LIX1L: variants seen among roughly 807,000 people sequenced by gnomAD.
LIX1L encodes LIX1-like protein.
In LIX1L, 20 loss-of-function variants were observed where a neutral mutation model predicts 34.0. The observed-to-expected ratio is 0.59, with a 90% CI of 0.41 to 0.85. LIX1L has a LOEUF of 0.85. Among genes scored for constraint, LIX1L ranks in the 40% least tolerant of loss-of-function variants. LIX1L has a pLI of 0.00. For missense variants in LIX1L, 397 were observed against 447.0 expected, an observed-to-expected ratio of 0.89 and a Z score of 1.01; for synonymous variants, 170 against 187.4, an observed-to-expected ratio of 0.91 and a Z score of 0.76.
At chr1:145,946,200 CT>C (rs5777570) in intron 2 of LIX1L, among the ~76,000 whole-genome samples, 256 of 137,966 alleles carry the variant, frequency 1.9e-3, no homozygotes, top group Middle Eastern at 7.6e-3. Context: ...GACTGAAGTT[CT>C]TTTTTTTTTT....
At position 145,936,394 on chromosome 1, in the gene LIX1L, C is replaced by T; in HGVS notation, c.930G>A (p.Lys310=). 1.9e-6 allele frequency: 3 copies of T among 1,614,168 alleles called. No homozygotes were observed. Among genetic ancestry groups the T allele is most frequent in the Non-Finnish European group, 2.5e-6 (3 of 1,180,040 alleles). Residue 310 remains lysine, a synonymous_variant, in exon 6 of 6, where the codon AAG becomes AAA. Transcript: ENST00000604000. ...RELDEARLAG[K]ELRFHKEKKD... ...TCTTCTCCTTGTGGAAGCGCAGCTC[C>T]TTGCCTGCCAGTCGGGCTTCATCCA...
At position 145,957,891 on chromosome 1, in the gene LIX1L, C is replaced by T; in HGVS notation, c.37G>A (p.Val13Met). 1.3e-6 allele frequency: 2 copies of T among 1,487,678 alleles called. No individual in the cohort carries two copies. Among genetic ancestry groups the T allele is most frequent in the East Asian group, 2.9e-5 (1 of 34,638 alleles). 92.2% of individuals were successfully genotyped at this position (1,487,678 alleles called of 1,614,324 possible). A position where few individuals can be genotyped will look rare whatever the true frequency, so the allele number is the denominator to read the frequency against. The change falls in exon 1 of 6, where the codon GTG becomes ATG. Residue 13 changes from valine to methionine, a missense_variant. Transcript: ENST00000604000. Reference protein sequence around the residue: ...TMRAQRLQPGVGTSGRGTLRA... With the variant: ...TMRAQRLQPGMGTSGRGTLRA... ...AGAGTGCCCCTCCCGCTGGTGCCCA[C>T]ACCAGGCTGCAGCCGCTGCGCTCGC...
At position 145,936,090 on chromosome 1, in the gene LIX1L, G is replaced by A. The variant is rs1648628744; in HGVS notation, c.*220C>T. The A allele has an allele frequency of 1.9e-6, 1 of 540,308 alleles. No individual in the cohort carries two copies. Among genetic ancestry groups the A allele is most frequent in the Non-Finnish European group, 3.2e-6 (1 of 312,418 alleles). The allele number at this position is 540,308 out of a possible 1,614,324, so 33.5% of individuals were successfully genotyped here. On this transcript the variant is annotated 3_prime_UTR_variant, in exon 6 of 6. Transcript: ENST00000604000. Reference sequence around the variant, plus strand: ...CTGCAAAGACAAGCTGCTCTTTGTTGTAAAGTGGACTGAAGATGTTTCAAA... The same window carrying A: ...CTGCAAAGACAAGCTGCTCTTTGTTATAAAGTGGACTGAAGATGTTTCAAA...
At position 145,935,250 on chromosome 1, in the gene LIX1L, A is replaced by G. The variant is rs587624012; in HGVS notation, c.*1060T>C. On this transcript the variant is annotated 3_prime_UTR_variant, in exon 6 of 6. Coordinates refer to ENST00000604000, the MANE Select transcript of LIX1L (RefSeq NM_153713.3). Reference sequence around the variant, plus strand: ...CTTCCTGCAGTCTCCCAAGGTGTCAATTAGGAAGTGCCAAAATACTAAAGT... The same window carrying G: ...CTTCCTGCAGTCTCCCAAGGTGTCAGTTAGGAAGTGCCAAAATACTAAAGT... 6.6e-6 allele frequency: 1 copy of G among 152,262 alleles called. No individual in the cohort carries two copies. Among genetic ancestry groups the G allele is most frequent in the Admixed American group, 6.5e-5 (1 of 15,286 alleles). The allele number at this position is 152,262 out of a possible 1,614,324, so 9.4% of individuals were successfully genotyped here.
At position 145,957,971 on chromosome 1, in the gene LIX1L, C is replaced by G. The variant is rs1430598466; in HGVS notation, c.-44G>C. 22 of 1,355,944 alleles carry G rather than the reference C, an allele frequency of 1.6e-5. No individual in the cohort carries two copies. The highest frequency in any genetic ancestry group is 2.0e-5 in the Non-Finnish European group (21 of 1,036,900). 84.0% of individuals were successfully genotyped at this position (1,355,944 alleles called of 1,614,324 possible). A position where few individuals can be genotyped will look rare whatever the true frequency, so the allele number is the denominator to read the frequency against. On this transcript the variant is annotated 5_prime_UTR_variant, in exon 1 of 6. Transcript: ENST00000604000. Reference sequence around the variant, plus strand: ...AGCGCCCCGGAGCCTGCCAGCCTGCCGAGCTAACGGTCCCAACCACCCCAG... The same window carrying G: ...AGCGCCCCGGAGCCTGCCAGCCTGCGGAGCTAACGGTCCCAACCACCCCAG...
At chr1:145,943,093 C>G (rs1553758879) in intron 2 of LIX1L, among the ~76,000 whole-genome samples, 1 of 152,224 alleles carries the variant, frequency 6.6e-6, no homozygotes, top group East Asian at 1.9e-4. Context: ...TCATACCAAA[C>G]TGAATGCAGA....
intron 1 of LIX1L, among the ~76,000 whole-genome samples, chr1:145,954,890 C>T (rs1254658731): frequency 6.6e-6 from 1 of 152,148 alleles, no homozygotes; most frequent in African/African-American, 2.4e-5. Context: ...AAAAAGTAAG[C>T]AAGTTAAGGA....
At position 145,934,582 on chromosome 1, in the gene LIX1L, A is replaced by AAAAAAAAG. The variant is rs1553757445; in HGVS notation, c.*1727_*1728insCTTTTTTT. Reference sequence around the variant, plus strand: ...GAGCGAGACTCCGTCTCAAAAAAAAAAAAAACACACAAATAGTTTGGGAGG... The same window carrying AAAAAAAAG: ...GAGCGAGACTCCGTCTCAAAAAAAAAAAAAAAAGAAAAACACACAAATAGTTTGGGAGG... On this transcript the variant is annotated 3_prime_UTR_variant, in exon 6 of 6. Transcript: ENST00000604000. The AAAAAAAAG allele has an allele frequency of 5.6e-3, 777 of 139,818 alleles. 30 individuals are homozygous for AAAAAAAAG. The highest frequency in any genetic ancestry group is 0.018 in the African/African-American group (636 of 35,248). 8.7% of individuals were successfully genotyped at this position (139,818 alleles called of 1,614,324 possible). A position where few individuals can be genotyped will look rare whatever the true frequency, so the allele number is the denominator to read the frequency against.
In LIX1L at chr1:145,956,142, T is replaced by C. The variant is rs117662790; in HGVS notation, c.292+1494A>G. ...AAATCTTGGGATTACATTGGAAAAA[T>C]AGTATTTCCTCATGAGTTTCAGATT... On this transcript the variant is annotated intron_variant, in intron 1 of 5. Coordinates refer to ENST00000604000, the MANE Select transcript of LIX1L (RefSeq NM_153713.3). Among the ~76,000 whole-genome samples, 48 of 152,250 alleles carry C rather than the reference T, an allele frequency of 3.2e-4. 1 individual carries two copies. The East Asian group carries it at 5.0e-3, about 16-fold the overall frequency.
In LIX1L at chr1:145,948,138, C is replaced by A. The variant is rs1649175334; in HGVS notation, c.293-356G>T. Among the ~76,000 whole-genome samples the A allele has an allele frequency of 6.6e-6, 1 of 152,120 alleles. No individual in the cohort carries two copies. Among genetic ancestry groups the A allele is most frequent in the Non-Finnish European group, 1.5e-5 (1 of 68,024 alleles). On this transcript the variant is annotated intron_variant, in intron 1 of 5. Coordinates refer to ENST00000604000, the MANE Select transcript of LIX1L (RefSeq NM_153713.3). This position sits in a 1 kb window ranked among gnomAD's most constrained non-coding sequence, Gnocchi z 4.0. ...CAATGTCAGCAGACCATTATCACTG[C>A]CTGATGAAATACAAGCAGATTATTC...
Position 145,935,878 on chromosome 1 carries a change from C to CA in LIX1L, c.*431dup, listed in dbSNP as rs1648619461. 2 of 169,722 alleles carry CA rather than the reference C, an allele frequency of 1.2e-5. No individual in the cohort carries two copies. Among genetic ancestry groups the CA allele is most frequent in the African/African-American group, 2.4e-5 (1 of 42,242 alleles). The allele number at this position is 169,722 out of a possible 1,614,324, so 10.5% of individuals were successfully genotyped here. A position where few individuals can be genotyped will look rare whatever the true frequency, so the allele number is the denominator to read the frequency against. On this transcript the variant is annotated 3_prime_UTR_variant, in exon 6 of 6. Coordinates refer to ENST00000604000, the MANE Select transcript of LIX1L (RefSeq NM_153713.3). ...GCAGGTTCAGTTCAGGAACTAAAGG[C>CA]AAAATCTTCATACTCATACCCTGTT... is the stretch of plus-strand genomic sequence containing the variant.
Position 145,942,752 on chromosome 1 carries a change from G to T in LIX1L, c.558C>A (p.Phe186Leu). ...GGGCCTCAGAGACACTCTTCTCGAT[G>T]AACTCATCAGTGATTCTTCGGGAAG... The part of the protein sequence containing the change: ...EHPSRRITDE[F>L]IEKSVSEALA... Residue 186 changes from phenylalanine to leucine, a missense_variant, in exon 3 of 6, where the codon TTC becomes TTA. This residue lies in a region of LIX1L where 174 missense variants were observed against 204.0 expected (regional missense o/e 0.85). Coordinates refer to ENST00000604000, the MANE Select transcript of LIX1L (RefSeq NM_153713.3). 1 of 1,614,080 alleles carries T rather than the reference G, an allele frequency of 6.2e-7. No individual in the cohort carries two copies. Among genetic ancestry groups the T allele is most frequent in the Non-Finnish European group, 8.5e-7 (1 of 1,179,968 alleles).
chr1:145,936,679 G>A (rs1648658588), intron 5 of LIX1L, 127 bp from the exon 6 acceptor site: 3 of 1,184,218 alleles, frequency 2.5e-6, no homozygotes, highest in Non-Finnish European at 2.4e-6. Flanking sequence ...AGTTCTTCAA[G>A]GAGATTCTTA....
chr1:145,951,967 T>A (rs78190486), intron 1 of LIX1L, among the ~76,000 whole-genome samples: 1 of 152,162 alleles, frequency 6.6e-6, no homozygotes, highest in Non-Finnish European at 1.5e-5. Flanking sequence ...AAATGATAAT[T>A]GGGCAAAGTG....
Position 145,935,157 on chromosome 1 carries a change from ACT to A in LIX1L, c.*1151_*1152del, listed in dbSNP as rs1553757580. The A allele has an allele frequency of 6.9e-6, 1 of 145,526 alleles. No individual in the cohort carries two copies. The highest frequency in any genetic ancestry group is 2.0e-4 in the East Asian group (1 of 5,086). The allele number at this position is 145,526 out of a possible 1,614,324, so 9.0% of individuals were successfully genotyped here. A position where few individuals can be genotyped will look rare whatever the true frequency, so the allele number is the denominator to read the frequency against. Reference sequence around the variant, plus strand: ...ACTCCAGCCTGGGCAAAAGTGTGAGACTCTGTCTTCCAAAAAAAAAAAAAAAC... The same window carrying A: ...ACTCCAGCCTGGGCAAAAGTGTGAGACTGTCTTCCAAAAAAAAAAAAAAAC... On this transcript the variant is annotated 3_prime_UTR_variant, in exon 6 of 6. Coordinates refer to ENST00000604000, the MANE Select transcript of LIX1L (RefSeq NM_153713.3).
At chr1:145,954,227 C>T (rs1649394420) in intron 1 of LIX1L, among the ~76,000 whole-genome samples, 1 of 152,110 alleles carries the variant, frequency 6.6e-6, no homozygotes, top group Admixed American at 6.6e-5. Context: ...GAGCACGGCC[C>T]TGCCAACACC....
intron 2 of LIX1L, 61 bp from the exon 3 acceptor site, chr1:145,942,914 C>T (rs1559240303): frequency 2.6e-6 from 4 of 1,521,890 alleles, no homozygotes; most frequent in Non-Finnish European, 2.7e-6. Flanking sequence ...GAGGAAGGAA[C>T]AGTGGGAGGG....
intron 1 of LIX1L, among the ~76,000 whole-genome samples, chr1:145,950,633 T>A (rs1649268355): frequency 6.6e-6 from 1 of 151,922 alleles, no homozygotes. Context: ...CCCAAAGTGC[T>A]GGGATTACAG....
At chr1:145,955,131 T>C (rs587660371) in intron 1 of LIX1L, among the ~76,000 whole-genome samples, 4 of 152,246 alleles carry the variant, frequency 2.6e-5, no homozygotes, top group Admixed American at 6.5e-5. Context: ...AGATGAAGCA[T>C]AGAGAGATTA....
Sources: gnomAD v4.1 joint callset for allele counts (sites outside exome capture counted in the v4.1 genomes callset) on GRCh38, gnomAD v4.1.1 for gene constraint, gnomAD v4.1.1 regional missense constraint, Gnocchi (gnomAD v3.1) non-coding constraint, MANE v1.5 for transcripts, NCBI Gene and HGNC (gene_info 2026-07-23, HGNC 2026-07-21) for gene names.